The following DPH6 variants were observed in gnomAD, a reference collection of about 807,000 sequenced individuals.
DPH6 encodes the protein diphthamine biosynthesis 6.
In DPH6, 33 loss-of-function variants were observed where a neutral mutation model predicts 38.2. The observed-to-expected ratio is 0.86, with a 90% CI of 0.65 to 1.15. The LOEUF is 1.15. Among genes scored for constraint, DPH6 ranks in the 50% most tolerant of loss-of-function variants. The pLI, the probability that DPH6 is intolerant of heterozygous loss-of-function variation, is 0.00. For missense variants in DPH6, 325 were observed against 320.0 expected (o/e 1.02, Z -0.12); for synonymous variants, 108 against 103.0 (o/e 1.05, Z -0.30).
At chr15:35,322,894 T>G (rs1169147440) in intron 3 of DPH6, among the ~76,000 whole-genome samples, 1 of 152,140 alleles carries the variant, frequency 6.6e-6, no homozygotes, top group Non-Finnish European at 1.5e-5. Flanking sequence ...TGAACTCTAT[T>G]ATATGCCTCT....
At chr15:35,275,151 A>G (rs926035325) in intron 3 of DPH6, among the ~76,000 whole-genome samples, 2 of 152,036 alleles carry the variant, frequency 1.3e-5, no homozygotes, top group African/African-American at 4.8e-5. Context: ...TCCTGACCTC[A>G]TGATCTGCCC....
At chr15:35,545,392 C>T (rs2035685575) in intron 1 of DPH6, among the ~76,000 whole-genome samples, 1 of 152,184 alleles carries the variant, frequency 6.6e-6, no homozygotes, top group South Asian at 2.1e-4. Context: ...CATCAAACTC[C>T]TTTTGGAATA....
intron 5 of DPH6, among the ~76,000 whole-genome samples, chr15:35,431,530 C>T (rs956622451): frequency 2.0e-5 from 3 of 152,038 alleles, no homozygotes; most frequent in African/African-American, 7.3e-5. Context: ...GCTCCTTAAG[C>T]TAAGGCACAT....
At chr15:35,312,010 G>GAAAAAAAAA (rs10573455) in intron 3 of DPH6, among the ~76,000 whole-genome samples, 32 of 102,106 alleles carry the variant, frequency 3.1e-4, no homozygotes, top group South Asian at 1.0e-3. Context: ...TTAAGAAAAT[G>GAAAAAAAAA]AAAAAAAAAA....
At chr15:35,201,012 A>G in the DPH6 span, among the ~76,000 whole-genome samples, 1 of 92,454 alleles carries the variant, frequency 1.1e-5, no homozygotes, top group Non-Finnish European at 2.2e-5. Context: ...TACCATTTCT[A>G]TCATTTTGGT....
At chr15:35,149,066 C>T in the DPH6 span, among the ~76,000 whole-genome samples, 3 of 152,118 alleles carry the variant, frequency 2.0e-5, no homozygotes, top group Admixed American at 6.6e-5. Flanking sequence ...CTAACATCTC[C>T]ATCCCCCTTC....
the DPH6 span, among the ~76,000 whole-genome samples, chr15:35,162,482 C>T: frequency 4.3e-4 from 66 of 152,010 alleles, no homozygotes; most frequent in African/African-American, 1.6e-3. Flanking sequence ...GCAGGAGCTA[C>T]TTAGTCCTTC....
chr15:35,518,608 G>A (rs73382772), intron 3 of DPH6, among the ~76,000 whole-genome samples: 14,125 of 151,916 alleles, frequency 0.093, 902 homozygotes, highest in African/African-American at 0.18. Context: ...TTGGGAATGA[G>A]GTGTGTAGGG....
chr15:35,401,830 C>A (rs2053224129), intron 6 of DPH6: 2 of 539,136 alleles, frequency 3.7e-6, no homozygotes, highest in Non-Finnish European at 3.5e-6. Flanking sequence ...AGCGAAACTA[C>A]AGGTTATAAC....
At chr15:35,425,320 G>A (rs988330795) in intron 5 of DPH6, among the ~76,000 whole-genome samples, 4 of 151,344 alleles carry the variant, frequency 2.6e-5, no homozygotes, top group Admixed American at 6.6e-5. Context: ...AACACTTGCT[G>A]GTTTACCTTT....
At chr15:35,167,685 T>C in the DPH6 span, among the ~76,000 whole-genome samples, 4,741 of 152,058 alleles carry the variant, frequency 0.031, 85 homozygotes, top group Middle Eastern at 0.044. Flanking sequence ...ACCATTTATA[T>C]ATAGCAGATA....
rs190881325 is a variant in DPH6, at chr15:35,432,999, A to G, written c.505+17686T>C. On this transcript the variant is annotated intron_variant, in intron 5 of 8. Coordinates refer to ENST00000256538, the MANE Select transcript of DPH6 (RefSeq NM_080650.4). ...ATTTACCCATGTAACAAACCTGCAC[A>G]TGTACCCACTAAACCTAAAATAAAA... is the stretch of plus-strand genomic sequence containing the variant. Among the ~76,000 whole-genome samples, 9 of 152,302 alleles carry G rather than the reference A, an allele frequency of 5.9e-5. 1 individual carries two copies. The highest frequency in any genetic ancestry group is 5.9e-4 in the Admixed American group (9 of 15,304).
At chr15:35,307,884 C>CA (rs2052106317) in intron 3 of DPH6, among the ~76,000 whole-genome samples, 1 of 152,078 alleles carries the variant, frequency 6.6e-6, no homozygotes, top group African/African-American at 2.4e-5. Context: ...AATGATGGTA[C>CA]AAAATATATA....
In DPH6 at chr15:35,285,369, G is replaced by A. The variant is rs1269942543; in HGVS notation, n.201-64787C>T. On this transcript the variant is annotated intron_variant and non_coding_transcript_variant, in intron 3 of 3. Coordinates refer to the DPH6 transcript ENST00000560386. The stretch of plus-strand genomic sequence containing the variant: ...TGGGAGGTAATTGAAACATGGGGGC[G>A]GGTCTTTCTCATGCTATTCCCATGA... 4.6e-5 allele frequency among the ~76,000 whole-genome samples: 7 copies of A among 152,108 alleles called. No individual in the cohort carries two copies. In the South Asian group the frequency reaches 6.2e-4, roughly 14 times the overall value.
chr15:35,386,145 G>A (rs2052952172), intron 6 of DPH6, among the ~76,000 whole-genome samples: 3 of 152,098 alleles, frequency 2.0e-5, no homozygotes, highest in African/African-American at 7.2e-5. Context: ...ATGGTTTCCA[G>A]CTTCATCCAT....
In DPH6 at chr15:35,231,463, C is replaced by T. The variant is rs184908704; in HGVS notation, n.201-10881G>A. Among the ~76,000 whole-genome samples, 196 of 152,288 alleles carry T rather than the reference C, an allele frequency of 1.3e-3. 1 individual carries two copies. Among genetic ancestry groups the T allele is most frequent in the African/African-American group, 4.4e-3 (184 of 41,556 alleles). Reference sequence around the variant, plus strand: ...CTCTTCCAGTGATATAGAGTTAAAACCAGGTACTGTGAGTTCTCATCTGAT... The same window carrying T: ...CTCTTCCAGTGATATAGAGTTAAAATCAGGTACTGTGAGTTCTCATCTGAT... On this transcript the variant is annotated intron_variant and non_coding_transcript_variant, in intron 3 of 3. Coordinates refer to the DPH6 transcript ENST00000560386.
At chr15:35,514,236 T>C (rs967646847) in intron 3 of DPH6, among the ~76,000 whole-genome samples, 10 of 152,234 alleles carry the variant, frequency 6.6e-5, no homozygotes, top group African/African-American at 2.4e-4. Context: ...TTATATAACA[T>C]TGTTTTATTT....
At chr15:35,254,455 A>G (rs2051694121) in intron 3 of DPH6, among the ~76,000 whole-genome samples, 1 of 152,214 alleles carries the variant, frequency 6.6e-6, no homozygotes, top group Admixed American at 6.5e-5. Flanking sequence ...AATACTGTAC[A>G]TACTCTAAAA....
intron 5 of DPH6, 123 bp from the exon 6 acceptor site, chr15:35,411,019 A>G: frequency 1.3e-6 from 1 of 764,530 alleles, no homozygotes; most frequent in Non-Finnish European, 2.0e-6. Context: ...AATTGCTTTG[A>G]TCATAAAGTA....
Sources: allele counts gnomAD v4.1 joint callset (sites outside exome capture counted in the v4.1 genomes callset), GRCh38; gene constraint gnomAD v4.1.1; transcripts MANE v1.5; gene names NCBI Gene and HGNC (gene_info 2026-07-23, HGNC 2026-07-21).